DNAJC6: variants seen among roughly 807,000 people sequenced by gnomAD.
DNAJC6 encodes auxilin.
DNAJC6 carries 34 observed loss-of-function variants against 110.0 expected under a neutral mutation model. The ratio of observed to expected loss-of-function variants is 0.31; its 90% CI spans 0.24 to 0.41. The LOEUF is 0.41. Ranked by LOEUF, DNAJC6 falls within the 10% of genes least tolerant of loss-of-function variation. The probability of loss-of-function intolerance (pLI) is 1.00; values close to 1 mark genes in which losing one functional copy is unlikely to be tolerated. For synonymous variants in DNAJC6, 406 were observed against 437.2 expected (o/e 0.93, Z 0.89); for missense variants, 1,031 against 1,207.8 (o/e 0.85, Z 2.17).
intron 1 of DNAJC6, among the ~76,000 whole-genome samples, chr1:65,277,438 G>A (rs765988435): frequency 6.6e-6 from 1 of 151,984 alleles, no homozygotes; most frequent in African/African-American, 2.4e-5. Flanking sequence ...TGTAATTGTC[G>A]ACTCTCACCT....
chr1:65,357,256 A>G (rs746373412), intron 1 of DNAJC6, among the ~76,000 whole-genome samples: 5 of 152,214 alleles, frequency 3.3e-5, no homozygotes, highest in Non-Finnish European at 7.3e-5. Context: ...GTGAATGGGA[A>G]CATGAATATG....
intron 13 of DNAJC6, among the ~76,000 whole-genome samples, chr1:65,397,161 C>A (rs4916050): frequency 0.18 from 27,248 of 152,002 alleles, 5,442 homozygotes; most frequent in East Asian, 0.58. Context: ...AAAGAATTTT[C>A]TCCTCTCCTT....
intron 4 of DNAJC6, among the ~76,000 whole-genome samples, chr1:65,373,745 C>A (rs544890802): frequency 1.3e-5 from 2 of 151,714 alleles, no homozygotes; most frequent in African/African-American, 4.8e-5. Context: ...CTCTTCACTT[C>A]GTTGATTGTT....
chr1:65,355,882 CTTTTTTTTT>C, intron 1 of DNAJC6, among the ~76,000 whole-genome samples: 1 of 82,852 alleles, frequency 1.2e-5, no homozygotes, highest in East Asian at 4.0e-4. Flanking sequence ...AACAGCATGG[CTTTTTTTTT>C]TTTTTTTTTT....
Position 65,397,490 on chromosome 1 carries a change from T to G in DNAJC6, c.2039-1323T>G, listed in dbSNP as rs1645990841. On this transcript the variant is annotated intron_variant, in intron 13 of 18. Transcript: ENST00000371069. Reference sequence around the variant, plus strand: ...AGGTAATTACCTTTTTGAAAAAATATATTCCTGTTTCTCTAACAGACCTTA... The same window carrying G: ...AGGTAATTACCTTTTTGAAAAAATAGATTCCTGTTTCTCTAACAGACCTTA... 2.6e-5 allele frequency among the ~76,000 whole-genome samples: 4 copies of G among 152,190 alleles called. No homozygotes were observed. The South Asian group carries it at 8.3e-4, about 31-fold the overall frequency.
chr1:65,408,647 A>G lies in DNAJC6; in HGVS notation c.2498A>G (p.Lys833Arg). The G allele has an allele frequency of 1.9e-6, 3 of 1,608,750 alleles. No individual in the cohort carries two copies. Among genetic ancestry groups the G allele is most frequent in the Non-Finnish European group, 2.5e-6 (3 of 1,178,724 alleles). The change falls in exon 17 of 19, where the codon AAA becomes AGA. Residue 833 changes from lysine to arginine, a missense_variant. Transcript: ENST00000371069. ...RGKGSSNLEG[K>R]QKAADFEDLL... ...TTCAAAAATTATATTGCAGAAGGGAAACAAAAAGCAGCTGATTTTGAAGAC... is the reference window on the plus strand; with the variant it reads ...TTCAAAAATTATATTGCAGAAGGGAGACAAAAAGCAGCTGATTTTGAAGAC...
At chr1:65,386,096 A>C (rs1399341576) in intron 7 of DNAJC6, among the ~76,000 whole-genome samples, 190 bp downstream of exon 7, 1 of 152,184 alleles carries the variant, frequency 6.6e-6, no homozygotes, top group Non-Finnish European at 1.5e-5. Flanking sequence ...GCCCTTTTTC[A>C]AATGAAACCA....
intron 4 of DNAJC6, among the ~76,000 whole-genome samples, chr1:65,369,642 G>A (rs1645686991): frequency 6.6e-6 from 1 of 152,152 alleles, no homozygotes; most frequent in Non-Finnish European, 1.5e-5. Context: ...ATACCTCTGT[G>A]CCTTGAAACC....
intron 1 of DNAJC6, among the ~76,000 whole-genome samples, chr1:65,268,921 A>C (rs1342922652): frequency 2.6e-5 from 4 of 152,198 alleles, no homozygotes; most frequent in Admixed American, 6.5e-5. Context: ...TGAAGACTGA[A>C]AATTTGGGTG....
intron 1 of DNAJC6, 59 bp downstream of exon 1, chr1:65,309,997 G>A: frequency 1.6e-5 from 22 of 1,377,714 alleles, no homozygotes; most frequent in Non-Finnish European, 2.0e-5. Context: ...GAGCCTCCCA[G>A]TCGCCCGGCC....
At chr1:65,347,045 T>G (rs1353826848) in intron 1 of DNAJC6, among the ~76,000 whole-genome samples, 1 of 152,052 alleles carries the variant, frequency 6.6e-6, no homozygotes, top group Non-Finnish European at 1.5e-5. Context: ...CAACTAATAA[T>G]TATAATGCAG....
At chr1:65,271,010 C>T (rs938997429) in intron 1 of DNAJC6, among the ~76,000 whole-genome samples, 4 of 152,086 alleles carry the variant, frequency 2.6e-5, no homozygotes, top group African/African-American at 9.7e-5. Context: ...TTTATATTCT[C>T]TCAGCAGGAC....
intron 1 of DNAJC6, among the ~76,000 whole-genome samples, chr1:65,343,619 G>C (rs4915688): frequency 0.6 from 91,542 of 151,816 alleles, 28,453 homozygotes; most frequent in African/African-American, 0.75. Flanking sequence ...GTGTTCAAGT[G>C]ACCCTTATTT....
At position 65,385,858 on chromosome 1, in the gene DNAJC6, T is replaced by C. The variant is rs1430274726; in HGVS notation, c.947T>C (p.Ile316Thr). 2 of 1,613,304 alleles carry C rather than the reference T, an allele frequency of 1.2e-6. No homozygotes were observed. Among genetic ancestry groups the C allele is most frequent in the Admixed American group, 1.7e-5 (1 of 59,990 alleles). The stretch of plus-strand genomic sequence containing the variant: ...TGTCGCCCTTACTGTGATGTACTCA[T>C]TGGAGAAACCAAAATATATTCGACT... ...NGCRPYCDVL[I>T]GETKIYSTCT... is the part of the protein sequence containing the mutation. Residue 316 changes from isoleucine (I) to threonine (T), a missense_variant, in exon 7 of 19, where the codon ATT becomes ACT. By Grantham distance (89) the Ile-to-Thr change is moderately conservative. Coordinates refer to ENST00000371069, the MANE Select transcript of DNAJC6 (RefSeq NM_001256864.2).
Position 65,397,168 on chromosome 1 carries a change from C to T in DNAJC6, c.2039-1645C>T, listed in dbSNP as rs146629130. Among the ~76,000 whole-genome samples the T allele has an allele frequency of 7.7e-3, 1,173 of 152,258 alleles. 9 individuals carry two copies. Among genetic ancestry groups the T allele is most frequent in the Middle Eastern group, 0.017 (5 of 294 alleles). On this transcript the variant is annotated intron_variant, in intron 13 of 18. Coordinates refer to ENST00000371069, the MANE Select transcript of DNAJC6 (RefSeq NM_001256864.2). ...GCGAGTGGAAAGAATTTTCTCCTCT[C>T]CTTGTTGGGAAAGCAATGATCATTT...
intron 1 of DNAJC6, among the ~76,000 whole-genome samples, chr1:65,338,080 A>G (rs1314610048): frequency 1.3e-5 from 2 of 152,114 alleles, no homozygotes; most frequent in Non-Finnish European, 2.9e-5. Flanking sequence ...TTTTAGAGGG[A>G]AATGGTGCAT....
Position 65,364,801 on chromosome 1 carries a change from C to G in DNAJC6, c.344+16C>G. 6.2e-7 allele frequency: 1 copy of G among 1,610,944 alleles called. No individual in the cohort carries two copies. The highest frequency in any genetic ancestry group is 8.5e-7 in the Non-Finnish European group (1 of 1,178,164). On this transcript the variant is annotated intron_variant, in intron 2 of 18. Transcript: ENST00000371069. ...CTGTGACCAGGTACGCACATTCTTC[C>G]CAGTTAATTTAGTGGATCCCCATGC...
chr1:65,332,302 G>C (rs1645296124), intron 1 of DNAJC6, among the ~76,000 whole-genome samples: 3 of 152,134 alleles, frequency 2.0e-5, no homozygotes, highest in Admixed American at 1.3e-4. Context: ...TGATATTTAA[G>C]AATAACAAAC....
At chr1:65,387,463 T>C (rs1645883998) in intron 8 of DNAJC6, among the ~76,000 whole-genome samples, 1 of 152,200 alleles carries the variant, frequency 6.6e-6, no homozygotes, top group African/African-American at 2.4e-5. Flanking sequence ...CTATTCCCTC[T>C]CCTCCATCTC....
Sources: allele counts gnomAD v4.1 joint callset (sites outside exome capture counted in the v4.1 genomes callset), GRCh38; gene constraint gnomAD v4.1.1; transcripts MANE v1.5; gene names NCBI Gene and HGNC (gene_info 2026-07-23, HGNC 2026-07-21).